The following HBS1L variants were observed in gnomAD, a reference collection of about 807,000 sequenced individuals.
The protein encoded by HBS1L is HBS1-like protein.
In HBS1L, 55 loss-of-function variants were observed where a neutral mutation model predicts 88.9. That is an observed-to-expected ratio of 0.62 (90% CI 0.50 to 0.77). The LOEUF (loss-of-function observed/expected upper bound fraction) is 0.77, where lower values mean the gene tolerates loss of function less well. Ranked by LOEUF, HBS1L falls within the 30% of genes least tolerant of loss-of-function variation. The pLI is 0.00. For missense variants in HBS1L, 741 were observed against 829.3 expected (o/e 0.89, Z 1.31); for synonymous variants, 267 against 288.5 (o/e 0.93, Z 0.76).
chr6:135,027,553 T>C (rs1776270378), intron 4 of HBS1L, among the ~76,000 whole-genome samples: 2 of 152,072 alleles, frequency 1.3e-5, no homozygotes, highest in East Asian at 1.9e-4. Context: ...AAGTAAGATA[T>C]AATTAAATAA....
chr6:134,968,140 G>C (rs1344661070), intron 16 of HBS1L, among the ~76,000 whole-genome samples: 2 of 152,104 alleles, frequency 1.3e-5, no homozygotes, highest in Non-Finnish European at 2.9e-5. Flanking sequence ...ACAGAAAAAA[G>C]GGGATTTGGG....
chr6:135,048,120 A>G (rs969915166), intron 2 of HBS1L, among the ~76,000 whole-genome samples: 1 of 152,214 alleles, frequency 6.6e-6, no homozygotes, highest in African/African-American at 2.4e-5. Flanking sequence ...GCTCCCTTTT[A>G]GGATCATCCA....
chr6:135,028,078 A>G (rs1470899145), intron 4 of HBS1L, among the ~76,000 whole-genome samples: 1 of 152,052 alleles, frequency 6.6e-6, no homozygotes, highest in Non-Finnish European at 1.5e-5. Flanking sequence ...AAAAACTTTT[A>G]AGATGAATTA....
intron 5 of HBS1L, among the ~76,000 whole-genome samples, chr6:134,999,841 AG>A (rs1280426044): frequency 6.6e-6 from 1 of 152,188 alleles, no homozygotes; most frequent in Non-Finnish European, 1.5e-5. Context: ...AAAGTATCCT[AG>A]GTAAGTCTGC....
At chr6:135,014,431 C>T (rs1255032167) in intron 4 of HBS1L, among the ~76,000 whole-genome samples, 1 of 152,076 alleles carries the variant, frequency 6.6e-6, no homozygotes, top group Non-Finnish European at 1.5e-5. Flanking sequence ...TTTTAGATAG[C>T]TTTCATTCTA....
chr6:134,966,039 C>G (rs532055472), intron 17 of HBS1L, among the ~76,000 whole-genome samples: 1 of 152,102 alleles, frequency 6.6e-6, no homozygotes, highest in South Asian at 2.1e-4. Flanking sequence ...TTTTCTGGTT[C>G]ATTTCTGGCT....
chr6:134,982,833 T>C (rs1774871233), intron 12 of HBS1L: 1 of 228,212 alleles, frequency 4.4e-6, no homozygotes, highest in Non-Finnish European at 8.4e-6. Flanking sequence ...GTACCAGATA[T>C]TATACTAAAC....
At chr6:134,996,648 A>C in intron 7 of HBS1L, 129 bp downstream of exon 7, 1 of 628,080 alleles carries the variant, frequency 1.6e-6, no homozygotes. Flanking sequence ...GTTCCCTGAT[A>C]TCTAAAAGCT....
In HBS1L at chr6:135,042,107, T is replaced by A. The variant is rs1397625559; in HGVS notation, c.129A>T (p.Ser43=). ...GCTCAACGGAAGGTTTGTCACGCCG[T>A]GAATAAATAAACTGAGCAGCTAGAA... ...SPSTAAQFIY[S]RRDKPSVEPV... The change falls in exon 3 of 18, where the codon TCA becomes TCT. Residue 43 remains serine (S), a synonymous_variant. Transcript: ENST00000367837. 2.5e-6 allele frequency: 4 copies of A among 1,612,882 alleles called. No homozygotes were observed. The Admixed American group carries it at 6.7e-5, about 27-fold the overall frequency.
At chr6:134,997,097 A>G (rs1775310912) in intron 6 of HBS1L, among the ~76,000 whole-genome samples, 155 bp from the exon 7 acceptor site, 1 of 152,192 alleles carries the variant, frequency 6.6e-6, no homozygotes, top group Admixed American at 6.5e-5. Context: ...AGAAAAAAAA[A>G]AGAGCATATC....
intron 14 of HBS1L, 32 bp downstream of exon 14, chr6:134,979,146 C>T: frequency 6.6e-7 from 1 of 1,506,166 alleles, no homozygotes; most frequent in Non-Finnish European, 9.2e-7. Context: ...TATATGAAGA[C>T]AACGGTTGCT....
At chr6:134,996,705 C>G in intron 7 of HBS1L, 72 bp downstream of exon 7, 1 of 1,050,784 alleles carries the variant, frequency 9.5e-7, no homozygotes, top group Non-Finnish European at 1.3e-6. Context: ...TTTACAAATT[C>G]AACACATATT....
At chr6:135,039,910 C>A in intron 3 of HBS1L, 143 bp from the exon 4 acceptor site, 1 of 637,498 alleles carries the variant, frequency 1.6e-6, no homozygotes, top group Non-Finnish European at 2.7e-6. Flanking sequence ...CTCTAATGAT[C>A]GTATTTTTAT....
At chr6:134,971,275 C>T (rs1313487835) in intron 15 of HBS1L, among the ~76,000 whole-genome samples, 3 of 152,128 alleles carry the variant, frequency 2.0e-5, no homozygotes, top group African/African-American at 7.2e-5. Flanking sequence ...GTGAGAAACA[C>T]CTGTGTGCAT....
chr6:135,042,113 A>G lies in HBS1L; in HGVS notation c.123T>C (p.Ile41=), dbSNP rs1322270769. 2 of 1,613,040 alleles carry G rather than the reference A, an allele frequency of 1.2e-6. No homozygotes were observed. Among genetic ancestry groups the G allele is most frequent in the South Asian group, 2.2e-5 (2 of 90,984 alleles). Residue 41 remains isoleucine, a synonymous_variant, in exon 3 of 18, where the codon ATT becomes ATC. Coordinates refer to ENST00000367837, the MANE Select transcript of HBS1L (RefSeq NM_006620.4). The part of the protein sequence containing the change: ...CISPSTAAQF[I]YSRRDKPSVE... The stretch of plus-strand genomic sequence containing the variant: ...CGGAAGGTTTGTCACGCCGTGAATA[A>G]ATAAACTGAGCAGCTAGAATATAAA...
intron 1 of HBS1L, among the ~76,000 whole-genome samples, chr6:135,054,352 A>G (rs1239156238): frequency 6.6e-6 from 1 of 152,258 alleles, no homozygotes; most frequent in Non-Finnish European, 1.5e-5. Flanking sequence ...GGAAGAGGTG[A>G]TAATGCTTAC....
At chr6:135,047,012 A>C (rs1776934087) in intron 2 of HBS1L, among the ~76,000 whole-genome samples, 2 of 152,226 alleles carry the variant, frequency 1.3e-5, no homozygotes, top group East Asian at 3.8e-4. Context: ...CACAGAAGAA[A>C]CCAAAAACAT....
chr6:135,040,667 G>T (rs1776706661), intron 3 of HBS1L, among the ~76,000 whole-genome samples: 2 of 151,546 alleles, frequency 1.3e-5, no homozygotes, highest in African/African-American at 4.8e-5. Flanking sequence ...ACTTTTAAAA[G>T]AAAAAAATTT....
intron 6 of HBS1L, among the ~76,000 whole-genome samples, 157 bp downstream of exon 6, chr6:134,997,240 A>C (rs1056055411): frequency 1.3e-5 from 2 of 152,162 alleles, no homozygotes; most frequent in African/African-American, 2.4e-5. Flanking sequence ...ACTTGGCATT[A>C]TCTCTCCCCA....
Sources: allele counts gnomAD v4.1 joint callset (sites outside exome capture counted in the v4.1 genomes callset), GRCh38; gene constraint gnomAD v4.1.1; transcripts MANE v1.5; gene names NCBI Gene and HGNC (gene_info 2026-07-23, HGNC 2026-07-21).